Variants in LDLRAD4 observed in about 807,000 individuals in gnomAD.
The protein encoded by LDLRAD4 is low-density lipoprotein receptor class A domain-containing protein 4.
Under a neutral mutation model 17.0 loss-of-function variants are expected in LDLRAD4, and 5 were observed. That is an observed-to-expected ratio of 0.29 (90% CI 0.15 to 0.62). LDLRAD4 has a LOEUF of 0.62. Ranked by LOEUF, LDLRAD4 falls within the 20% of genes least tolerant of loss-of-function variation. The pLI is 0.84. For synonymous variants in LDLRAD4, 168 were observed against 171.8 expected (o/e 0.98, Z 0.17); for missense variants, 340 against 424.7 (o/e 0.80, Z 1.75).
At chr18:13,397,781 G>C (rs1010924041) in intron 2 of LDLRAD4, among the ~76,000 whole-genome samples, 1 of 152,022 alleles carries the variant, frequency 6.6e-6, no homozygotes, top group African/African-American at 2.4e-5. Flanking sequence ...GAGTTGGGGA[G>C]AAAACCAGGC....
At chr18:13,386,207 A>G (rs2085784243) in intron 1 of LDLRAD4, among the ~76,000 whole-genome samples, 1 of 152,250 alleles carries the variant, frequency 6.6e-6, no homozygotes, top group African/African-American at 2.4e-5. Flanking sequence ...TGAAGTGATA[A>G]CATAAAAGAG....
At chr18:13,574,120 T>C (rs965944813) in intron 3 of LDLRAD4, among the ~76,000 whole-genome samples, 2 of 152,194 alleles carry the variant, frequency 1.3e-5, no homozygotes, top group African/African-American at 4.8e-5. Context: ...TGCTCACTGC[T>C]CTTCTTTGAT....
At chr18:13,639,006 A>G (rs1307631649) in intron 4 of LDLRAD4, among the ~76,000 whole-genome samples, 1 of 152,236 alleles carries the variant, frequency 6.6e-6, no homozygotes, top group Non-Finnish European at 1.5e-5. Context: ...TTGTTATTAC[A>G]AGGAAATAGC....
chr18:13,282,020 A>G (rs1192489672), intron 1 of LDLRAD4, among the ~76,000 whole-genome samples: 1 of 152,226 alleles, frequency 6.6e-6, no homozygotes, highest in Non-Finnish European at 1.5e-5. Context: ...GGCGGCAGCA[A>G]GAGAGAATGA....
chr18:13,629,958 G>C (rs971583982), intron 4 of LDLRAD4, among the ~76,000 whole-genome samples: 2 of 152,124 alleles, frequency 1.3e-5, no homozygotes, highest in African/African-American at 4.8e-5. Flanking sequence ...CATGTGAGAC[G>C]AGGCAACTGG....
intron 1 of LDLRAD4, among the ~76,000 whole-genome samples, chr18:13,372,800 T>C (rs1054921301): frequency 1.3e-5 from 2 of 152,234 alleles, no homozygotes; most frequent in Non-Finnish European, 2.9e-5. Context: ...TTTATTGGCA[T>C]GTAGCCACAC....
intron 4 of LDLRAD4, among the ~76,000 whole-genome samples, chr18:13,626,140 C>T (rs535328396): frequency 6.6e-6 from 1 of 152,236 alleles, no homozygotes; most frequent in East Asian, 1.9e-4. Flanking sequence ...TACATCATAG[C>T]AGATAGCAGC....
At chr18:13,543,120 G>T (rs1189058057) in intron 3 of LDLRAD4, 1 of 152,164 alleles carries the variant, frequency 6.6e-6, no homozygotes, top group African/African-American at 2.4e-5. Context: ...CTTTAACATG[G>T]TTCTTCTGAT....
intron 3 of LDLRAD4, among the ~76,000 whole-genome samples, chr18:13,495,109 A>G (rs1334412194): frequency 1.3e-5 from 2 of 152,154 alleles, no homozygotes; most frequent in Non-Finnish European, 2.9e-5. Flanking sequence ...CTGAATATAC[A>G]TATATGGGAC....
chr18:13,305,230 T>G (rs1389507586), intron 1 of LDLRAD4, among the ~76,000 whole-genome samples: 1 of 152,220 alleles, frequency 6.6e-6, no homozygotes, highest in South Asian at 2.1e-4. Context: ...TTATCAAAAC[T>G]TATGCACACA....
chr18:13,387,810 G>T, intron 2 of LDLRAD4, 48 bp downstream of exon 3: 1 of 1,549,928 alleles, frequency 6.5e-7, no homozygotes, highest in Non-Finnish European at 8.9e-7. Context: ...CTCCTGGGAG[G>T]CAATAAACTC....
chr18:13,226,180 C>CTTTTTTTTTTTTTTTTTATTTTTTT (rs2041786040), intron 1 of LDLRAD4, among the ~76,000 whole-genome samples: 1 of 52,188 alleles, frequency 1.9e-5, no homozygotes, highest in East Asian at 6.1e-4. Flanking sequence ...CCATGCCTTG[C>CTTTTTTTTTTTTTTTTTATTTTTTT]TTTTTTTTTT....
At chr18:13,636,536 C>T (rs2042100846) in intron 4 of LDLRAD4, among the ~76,000 whole-genome samples, 1 of 62,604 alleles carries the variant, frequency 1.6e-5, no homozygotes, top group African/African-American at 3.0e-5. Context: ...TGCTCTGTCG[C>T]CCAGGCTGGA....
intron 3 of LDLRAD4, among the ~76,000 whole-genome samples, chr18:13,570,421 A>G (rs1341376686): frequency 6.6e-6 from 1 of 152,242 alleles, no homozygotes; most frequent in African/African-American, 2.4e-5. Flanking sequence ...GGAGTGGCAG[A>G]GACTCCAGCG....
At chr18:13,223,613 G>A (rs570840917) in intron 1 of LDLRAD4, among the ~76,000 whole-genome samples, 2 of 152,316 alleles carry the variant, frequency 1.3e-5, no homozygotes, top group African/African-American at 4.8e-5. Context: ...GAAGGCAGCC[G>A]CTGGAGAGGC....
chr18:13,381,835 G>C (rs1329283585), intron 1 of LDLRAD4, among the ~76,000 whole-genome samples: 1 of 152,240 alleles, frequency 6.6e-6, no homozygotes, highest in East Asian at 1.9e-4. Flanking sequence ...GTGAGATGAT[G>C]CATAGGTGAG....
intron 3 of LDLRAD4, among the ~76,000 whole-genome samples, chr18:13,550,647 T>C (rs1398350792): frequency 6.6e-6 from 1 of 152,120 alleles, no homozygotes; most frequent in African/African-American, 2.4e-5. Flanking sequence ...CCACAGTGGG[T>C]TTAGGAAATG....
chr18:13,452,484 G>A (rs1294825293), intron 3 of LDLRAD4, among the ~76,000 whole-genome samples: 3 of 152,126 alleles, frequency 2.0e-5, no homozygotes, highest in Non-Finnish European at 4.4e-5. Flanking sequence ...GGGTAGGATC[G>A]AGCCTAGAGA....
intron 3 of LDLRAD4, among the ~76,000 whole-genome samples, chr18:13,454,957 T>G (rs1600438737): frequency 1.3e-5 from 2 of 152,222 alleles, no homozygotes; most frequent in African/African-American, 4.8e-5. Flanking sequence ...TGCGCCCTGG[T>G]GGGTGCTCAG....
Sources: allele counts gnomAD v4.1 joint callset (sites outside exome capture counted in the v4.1 genomes callset), GRCh38; gene constraint gnomAD v4.1.1; transcripts MANE v1.5; gene names NCBI Gene and HGNC (gene_info 2026-07-23, HGNC 2026-07-21).